SLC22A23: variants seen among roughly 807,000 people sequenced by gnomAD.
The protein encoded by SLC22A23 is ion transporter protein.
A neutral mutation model predicts 61.0 loss-of-function variants in SLC22A23; 26 were observed. That is an observed-to-expected ratio of 0.43 (90% CI 0.31 to 0.59). The LOEUF (loss-of-function observed/expected upper bound fraction) is 0.59, where lower values mean the gene tolerates loss of function less well. Ranked by LOEUF, SLC22A23 falls within the 20% of genes least tolerant of loss-of-function variation. The pLI is 0.11. For synonymous variants in SLC22A23, 430 were observed against 413.9 expected (o/e 1.04, Z -0.47); for missense variants, 796 against 934.7 (o/e 0.85, Z 1.94).
rs555679805 is a variant in SLC22A23, at chr6:3,341,461, C to G, written c.914-17459G>C. Among the ~76,000 whole-genome samples the G allele has an allele frequency of 2.6e-5, 4 of 151,314 alleles. No homozygotes were observed. The South Asian group carries it at 8.3e-4, about 31-fold the overall frequency. On this transcript the variant is annotated intron_variant, in intron 3 of 9. Transcript: ENST00000406686. ...AACTCTGAGGTGGATGGGTTTTGTTCTCTCTCTCTCTCTTCTTCCAACTCC... is the reference window on the plus strand; with the variant it reads ...AACTCTGAGGTGGATGGGTTTTGTTGTCTCTCTCTCTCTTCTTCCAACTCC...
rs184042133 is a variant in SLC22A23, at chr6:3,350,133, G to A, written c.914-26131C>T. 5.9e-5 allele frequency among the ~76,000 whole-genome samples: 9 copies of A among 152,288 alleles called. No homozygotes were observed. The East Asian group carries it at 9.6e-4, about 16-fold the overall frequency. ...CACACACCCCAAATTTTCATGAAAC[G>A]ATACTTAACCCTTATTGTGTGTGAT... On this transcript the variant is annotated intron_variant, in intron 3 of 9. Coordinates refer to ENST00000406686, the MANE Select transcript of SLC22A23 (RefSeq NM_015482.2).
Position 3,385,683 on chromosome 6 carries a change from T to C in SLC22A23, c.913+24505A>G, listed in dbSNP as rs898547069. ...GTTGGAGCTAATTGTCTGAGTTCCC[T>C]TACAAGTCTGGGCTCCTTGGGGAAG... is the stretch of plus-strand genomic sequence containing the variant. On this transcript the variant is annotated intron_variant, in intron 3 of 9. Coordinates refer to ENST00000406686, the MANE Select transcript of SLC22A23 (RefSeq NM_015482.2). Among the ~76,000 whole-genome samples the C allele has an allele frequency of 2.0e-5, 3 of 152,226 alleles. No individual in the cohort carries two copies. In the East Asian group the frequency reaches 5.8e-4, roughly 29 times the overall value.
rs887598888 is a variant in SLC22A23, at chr6:3,360,404, C to T, written c.914-36402G>A. Among the ~76,000 whole-genome samples the T allele has an allele frequency of 6.6e-6, 1 of 152,128 alleles. No individual in the cohort carries two copies. The highest frequency in any genetic ancestry group is 1.5e-5 in the Non-Finnish European group (1 of 68,024). On this transcript the variant is annotated intron_variant, in intron 3 of 9. Transcript: ENST00000406686. The surrounding 1 kb of genome is among the most constrained non-coding windows in gnomAD (Gnocchi z 4.6). ...CCATCCACCCAAGGATCCTTAAACT[C>T]AGGAGGATCAGAAAGGCTCAATCAC...
rs546807139 is a variant in SLC22A23, at chr6:3,328,755, C to T, written c.914-4753G>A. ...GGCCACCCCTCACAGTCGTGTGGGCCAATTCCTCGCAGAAAATCTCTAAAT... is the reference window on the plus strand; with the variant it reads ...GGCCACCCCTCACAGTCGTGTGGGCTAATTCCTCGCAGAAAATCTCTAAAT... On this transcript the variant is annotated intron_variant, in intron 3 of 9. Transcript: ENST00000406686. This position sits in a 1 kb window ranked among gnomAD's most constrained non-coding sequence, Gnocchi z 5.0. Among the ~76,000 whole-genome samples the T allele has an allele frequency of 2.6e-5, 4 of 152,112 alleles. No homozygotes were observed. The highest frequency in any genetic ancestry group is 5.9e-5 in the Non-Finnish European group (4 of 68,016).
intron 3 of SLC22A23, among the ~76,000 whole-genome samples, chr6:3,376,003 A>C (rs1406367717): frequency 2.0e-5 from 3 of 152,218 alleles, no homozygotes; most frequent in African/African-American, 7.2e-5. Context: ...AGGCATTAGG[A>C]AGCCTCTTCC....
rs1763044393 is a variant in SLC22A23 at position 3,322,922 on chromosome 6, G to A, written c.1082+912C>T. Among the ~76,000 whole-genome samples the A allele has an allele frequency of 1.3e-5, 2 of 152,290 alleles. No homozygotes were observed. Among genetic ancestry groups the A allele is most frequent in the African/African-American group, 4.8e-5 (2 of 41,568 alleles). ...GGTAAGGTGAGAGTATCAGCATGGA[G>A]AGGGATGGGAAGGAAGGGAAAGGAT... On this transcript the variant is annotated intron_variant, in intron 4 of 9. Transcript: ENST00000406686. The surrounding 1 kb of genome is among the most constrained non-coding windows in gnomAD (Gnocchi z 4.1).
Position 3,289,827 on chromosome 6 carries a change from C to T in SLC22A23, c.1250G>A (p.Cys417Tyr). ...CCGTGTCCCCACCACCTTCACGATG[C>T]AGACCTTCTTGGGCCTCCGGGAAAG... ...KELSRRPKKV[C>Y]IVKVVGTRNL... The change falls in exon 6 of 10, where the codon TGC becomes TAC. Residue 417 changes from cysteine to tyrosine, a missense_variant. Physicochemically the swap from Cys to Tyr is radical, Grantham distance 194. Transcript: ENST00000406686. 1 of 1,614,064 alleles carries T rather than the reference C, an allele frequency of 6.2e-7. No individual in the cohort carries two copies. Among genetic ancestry groups the T allele is most frequent in the Non-Finnish European group, 8.5e-7 (1 of 1,180,040 alleles).
At position 3,348,597 on chromosome 6, in the gene SLC22A23, G is replaced by A. The variant is rs565949743; in HGVS notation, c.914-24595C>T. On this transcript the variant is annotated intron_variant, in intron 3 of 9. Transcript: ENST00000406686. Reference sequence around the variant, plus strand: ...GCACTTACTAGCCTGGCAATCACACGAGCATCCACCACATTCCCGGCACGG... The same window carrying A: ...GCACTTACTAGCCTGGCAATCACACAAGCATCCACCACATTCCCGGCACGG... Among the ~76,000 whole-genome samples, 14 of 152,250 alleles carry A rather than the reference G, an allele frequency of 9.2e-5. No homozygotes were observed. The South Asian group carries it at 2.1e-3, about 23-fold the overall frequency.
At chr6:3,296,588 G>A (rs761667868) in intron 5 of SLC22A23, among the ~76,000 whole-genome samples, 6 of 152,134 alleles carry the variant, frequency 3.9e-5, no homozygotes, top group Admixed American at 2.0e-4. Flanking sequence ...CGTGTTTCTC[G>A]TCACTGTCCC....
chr6:3,301,493 C>T (rs781256484), intron 4 of SLC22A23, among the ~76,000 whole-genome samples: 3 of 152,144 alleles, frequency 2.0e-5, no homozygotes, highest in African/African-American at 2.4e-5. Flanking sequence ...CGGCATACAA[C>T]GTGGAAATTT....
At chr6:3,358,322 C>T (rs539608484) in intron 3 of SLC22A23, among the ~76,000 whole-genome samples, 12 of 152,144 alleles carry the variant, frequency 7.9e-5, no homozygotes, top group Middle Eastern at 3.4e-3. Flanking sequence ...ATGGAAACAA[C>T]GCAGAGGTCC....
chr6:3,353,293 A>G (rs7747817), intron 3 of SLC22A23, among the ~76,000 whole-genome samples: 59,578 of 152,006 alleles, frequency 0.39, 13,260 homozygotes, highest in African/African-American at 0.61. Flanking sequence ...AAAAAGGGAA[A>G]CTCCGTCTGT....
rs963499646 is a variant in SLC22A23, at chr6:3,276,663, C to T, written c.1704-3251G>A. On this transcript the variant is annotated intron_variant, in intron 9 of 9. Coordinates refer to ENST00000406686, the MANE Select transcript of SLC22A23 (RefSeq NM_015482.2). The stretch of plus-strand genomic sequence containing the variant: ...TGAGGTTGGCCTATGCTGGCTCAGC[C>T]GAGCTCCCACAGGCTACCTGGGTAG... 3.9e-5 allele frequency: 6 copies of T among 152,418 alleles called. No homozygotes were observed. In the East Asian group the frequency reaches 7.7e-4, roughly 20 times the overall value. The allele number at this position is 152,418 out of a possible 1,614,324, so 9.4% of individuals were successfully genotyped here. A position where few individuals can be genotyped will look rare whatever the true frequency, so the allele number is the denominator to read the frequency against.
chr6:3,450,813 A>G (rs1362695323), intron 1 of SLC22A23, among the ~76,000 whole-genome samples: 1 of 152,236 alleles, frequency 6.6e-6, no homozygotes, highest in Non-Finnish European at 1.5e-5. Flanking sequence ...TCATCATATG[A>G]TAACTAGGAT....
At chr6:3,402,557 A>G (rs1768498463) in intron 3 of SLC22A23, among the ~76,000 whole-genome samples, 1 of 151,572 alleles carries the variant, frequency 6.6e-6, no homozygotes, top group Non-Finnish European at 1.5e-5. Context: ...GCCCACTCCA[A>G]TCATCCACAC....
chr6:3,421,934 A>G (rs890213136), intron 1 of SLC22A23, among the ~76,000 whole-genome samples: 1 of 152,230 alleles, frequency 6.6e-6, no homozygotes, highest in Non-Finnish European at 1.5e-5. Context: ...CTCACTGACT[A>G]AAGCGAAAAG....
chr6:3,420,853 C>T (rs1296402886), intron 1 of SLC22A23, among the ~76,000 whole-genome samples: 1 of 152,030 alleles, frequency 6.6e-6, no homozygotes, highest in Non-Finnish European at 1.5e-5. Flanking sequence ...GCATATAATC[C>T]CAGCACTTTT....
chr6:3,336,006 G>A lies in SLC22A23; in HGVS notation c.914-12004C>T, dbSNP rs555558129. Reference sequence around the variant, plus strand: ...CGGGAGGCTGAGGCAGGAGAATGGCGTGAACCCAGGAGGTGGAGCTTGCAG... The same window carrying A: ...CGGGAGGCTGAGGCAGGAGAATGGCATGAACCCAGGAGGTGGAGCTTGCAG... On this transcript the variant is annotated intron_variant, in intron 3 of 9. Coordinates refer to ENST00000406686, the MANE Select transcript of SLC22A23 (RefSeq NM_015482.2). Among the ~76,000 whole-genome samples the A allele has an allele frequency of 6.6e-5, 10 of 152,040 alleles. No individual in the cohort carries two copies. The South Asian group carries it at 1.9e-3, about 28-fold the overall frequency.
chr6:3,283,904 C>G lies in SLC22A23; in HGVS notation c.1651G>C (p.Val551Leu). 6.2e-7 allele frequency: 1 copy of G among 1,612,168 alleles called. No individual in the cohort carries two copies. The highest frequency in any genetic ancestry group is 8.5e-7 in the Non-Finnish European group (1 of 1,178,418). ...CAGAAGAACACGCTGAGGCTCCCCA[C>G]CGCATGGGAGGCAAACATGCCCACG... ...SIVGMFASHA[V>L]GSLSVFFCAE... The change falls in exon 9 of 10, where the codon GTG (valine) becomes CTG (leucine). Residue 551 changes from valine to leucine, a missense_variant. Coordinates refer to ENST00000406686, the MANE Select transcript of SLC22A23 (RefSeq NM_015482.2).
Sources: allele counts gnomAD v4.1 joint callset (sites outside exome capture counted in the v4.1 genomes callset), GRCh38; gene constraint gnomAD v4.1.1; non-coding constraint Gnocchi (gnomAD v3.1); transcripts MANE v1.5; gene names NCBI Gene and HGNC (gene_info 2026-07-23, HGNC 2026-07-21).